The following C10orf90 variants were observed in gnomAD, a reference collection of about 807,000 sequenced individuals.
C10orf90 encodes (E2-independent) E3 ubiquitin-conjugating enzyme FATS.
Under a neutral mutation model 62.5 loss-of-function variants are expected in C10orf90, and 56 were observed. The observed-to-expected ratio is 0.90, with a 90% CI of 0.72 to 1.12. C10orf90 has a LOEUF of 1.12. C10orf90 is among the 50% of genes most tolerant of loss of function. The pLI is 0.00. For missense variants in C10orf90, 970 were observed against 880.4 expected, an observed-to-expected ratio of 1.10 and a Z score of -1.29; for synonymous variants, 386 against 340.4, an observed-to-expected ratio of 1.13 and a Z score of -1.47.
chr10:126,646,493 AAAAG>A (rs1231483108), intron 2 of C10orf90, 68 bp downstream of exon 2: 1 of 325,494 alleles, frequency 3.1e-6, no homozygotes, highest in Non-Finnish European at 6.1e-6. Flanking sequence ...TAATAAAAAT[AAAAG>A]AGAGAGAGAG....
chr10:126,646,117 A>C (rs189017631), intron 2 of C10orf90, among the ~76,000 whole-genome samples: 158 of 152,370 alleles, frequency 1.0e-3, no homozygotes, highest in Admixed American at 2.1e-3. Flanking sequence ...TATGAACTGT[A>C]ACCATCTCAC....
intron 4 of C10orf90, among the ~76,000 whole-genome samples, chr10:126,494,620 T>A (rs1266086053): frequency 6.6e-6 from 1 of 152,184 alleles, no homozygotes; most frequent in African/African-American, 2.4e-5. Context: ...AAAACCAGCA[T>A]AGTTCTGCAA....
chr10:126,430,542 G>A (rs1466803665), intron 7 of C10orf90, among the ~76,000 whole-genome samples: 2 of 152,178 alleles, frequency 1.3e-5, no homozygotes, highest in African/African-American at 4.8e-5. Flanking sequence ...TGCAAAAGTT[G>A]AAAAGGGACT....
At chr10:126,649,945 T>C (rs984751003) in intron 1 of C10orf90, among the ~76,000 whole-genome samples, 1 of 142,568 alleles carries the variant, frequency 7.0e-6, no homozygotes, top group African/African-American at 2.7e-5. Context: ...AAGGAAGTAG[T>C]AAGGGAAAAG....
intron 1 of C10orf90, among the ~76,000 whole-genome samples, chr10:126,658,634 C>T (rs1412806087): frequency 1.3e-5 from 2 of 152,178 alleles, no homozygotes; most frequent in Non-Finnish European, 2.9e-5. Context: ...TTAATTTTTA[C>T]TTAGACCACC....
At chr10:126,637,311 G>A (rs1845970921) in intron 2 of C10orf90, among the ~76,000 whole-genome samples, 1 of 152,098 alleles carries the variant, frequency 6.6e-6, no homozygotes, top group Non-Finnish European at 1.5e-5. Context: ...CTTCTGCCTT[G>A]GAGATGGGCC....
intron 4 of C10orf90, among the ~76,000 whole-genome samples, chr10:126,476,632 C>T (rs1363534495): frequency 6.6e-6 from 1 of 152,210 alleles, no homozygotes; most frequent in Non-Finnish European, 1.5e-5. Context: ...ATGCAATAAA[C>T]AGGTGCTGCG....
chr10:126,456,480 A>C lies in C10orf90; in HGVS notation c.2188+2560T>G, dbSNP rs572959784. Among the ~76,000 whole-genome samples, 1 of 152,188 alleles carries C rather than the reference A, an allele frequency of 6.6e-6. No individual in the cohort carries two copies. Among genetic ancestry groups the C allele is most frequent in the African/African-American group, 2.4e-5 (1 of 41,438 alleles). ...GCCTGGTTACCTTTTATTACATACA[A>C]TTTTAAGACTTCCATTTAAAAGAAT... On this transcript the variant is annotated intron_variant, in intron 7 of 9. Transcript: ENST00000488181. This position sits in a 1 kb window ranked among gnomAD's most constrained non-coding sequence, Gnocchi z 4.9.
At chr10:126,461,674 T>C in intron 5 of C10orf90, 89 bp from the exon 6 acceptor site, 1 of 1,331,514 alleles carries the variant, frequency 7.5e-7, no homozygotes, top group Non-Finnish European at 1.0e-6. Context: ...AAGACAATTT[T>C]GAAAATAGAA....
At chr10:126,591,231 G>A (rs1403536521) in intron 2 of C10orf90, among the ~76,000 whole-genome samples, 1 of 152,118 alleles carries the variant, frequency 6.6e-6, no homozygotes, top group African/African-American at 2.4e-5. Context: ...AAACCTGGCA[G>A]AGATACAACA....
At chr10:126,442,507 A>ATATATATATATC (rs1274198672) in intron 7 of C10orf90, among the ~76,000 whole-genome samples, 5 of 113,166 alleles carry the variant, frequency 4.4e-5, no homozygotes, top group African/African-American at 1.7e-4. Context: ...ATATATATAT[A>ATATATATATATC]TCTGTTAAGT....
chr10:126,649,034 G>GTCTCTGTC (rs1483691899), intron 1 of C10orf90, among the ~76,000 whole-genome samples: 623 of 26,346 alleles, frequency 0.024, 4 homozygotes, highest in Non-Finnish European at 0.037. Context: ...CTCTGTCTCT[G>GTCTCTGTC]TCTCTCTCTC....
Position 126,504,858 on chromosome 10 carries a change from A to T in C10orf90, c.633T>A (p.Asp211Glu). Reference sequence around the variant, plus strand: ...GCAGCTCTGCCTCAGGTCCTCGCTCATCTGACGGTGCCGGGATTCCTAATC... The same window carrying T: ...GCAGCTCTGCCTCAGGTCCTCGCTCTTCTGACGGTGCCGGGATTCCTAATC... ...PGRLGIPAPS[D>E]ERGPEAELPP... The change falls in exon 4 of 10, where the codon GAT becomes GAA. Residue 211 changes from aspartate to glutamate, a missense_variant. Transcript: ENST00000488181. The surrounding 1 kb of genome is among the most constrained non-coding windows in gnomAD (Gnocchi z 4.1). 6.2e-7 allele frequency: 1 copy of T among 1,612,776 alleles called. No homozygotes were observed. The highest frequency in any genetic ancestry group is 8.5e-7 in the Non-Finnish European group (1 of 1,179,124).
intron 8 of C10orf90, among the ~76,000 whole-genome samples, chr10:126,426,368 A>G (rs993226862): frequency 6.6e-6 from 1 of 152,220 alleles, no homozygotes; most frequent in South Asian, 2.1e-4. Context: ...TTGCTTATTT[A>G]GAAGTCATTG....
intron 2 of C10orf90, among the ~76,000 whole-genome samples, chr10:126,636,183 C>A (rs10794094): frequency 0.37 from 55,683 of 151,918 alleles, 10,401 homozygotes; most frequent in South Asian, 0.51. Context: ...CACGTGACAT[C>A]CTTGTACCCC....
intron 2 of C10orf90, among the ~76,000 whole-genome samples, chr10:126,581,342 C>T (rs1395364769): frequency 1.3e-5 from 2 of 152,200 alleles, no homozygotes; most frequent in Non-Finnish European, 2.9e-5. Flanking sequence ...TCTGACTCTA[C>T]AGCCATTTTC....
At chr10:126,612,632 G>T (rs1177726622) in intron 2 of C10orf90, among the ~76,000 whole-genome samples, 1 of 152,142 alleles carries the variant, frequency 6.6e-6, no homozygotes, top group African/African-American at 2.4e-5. Context: ...ACAAAGTTAG[G>T]CCTCAAGCTC....
chr10:126,623,667 TC>T (rs1845688756), intron 2 of C10orf90, among the ~76,000 whole-genome samples: 1 of 151,032 alleles, frequency 6.6e-6, no homozygotes, highest in Admixed American at 6.6e-5. Context: ...CATGGTGAAA[TC>T]CCATCTCTAT....
At chr10:126,495,452 C>A (rs1861994121) in intron 4 of C10orf90, among the ~76,000 whole-genome samples, 1 of 152,206 alleles carries the variant, frequency 6.6e-6, no homozygotes, top group Non-Finnish European at 1.5e-5. Context: ...GACTGCAGTA[C>A]TTTGTTTGCA....
Sources: allele counts gnomAD v4.1 joint callset (sites outside exome capture counted in the v4.1 genomes callset), GRCh38; gene constraint gnomAD v4.1.1; non-coding constraint Gnocchi (gnomAD v3.1); transcripts MANE v1.5; gene names NCBI Gene and HGNC (gene_info 2026-07-23, HGNC 2026-07-21).